The following ROBO2 variants were observed in gnomAD, a reference collection of about 807,000 sequenced individuals.
The protein encoded by ROBO2 is roundabout guidance receptor 2.
A neutral mutation model predicts 160.8 loss-of-function variants in ROBO2; 53 were observed. That is an observed-to-expected ratio of 0.33 (90% CI 0.26 to 0.41). The LOEUF (loss-of-function observed/expected upper bound fraction) is 0.41. Ranked by LOEUF, ROBO2 falls within the 10% of genes least tolerant of loss-of-function variation. The probability of loss-of-function intolerance (pLI) is 1.00; values close to 1 mark genes in which losing one functional copy is unlikely to be tolerated. For synonymous variants in ROBO2, 664 were observed against 611.7 expected (o/e 1.09, Z -1.26); for missense variants, 1,577 against 1,722.4 (o/e 0.92, Z 1.49).
intron 2 of ROBO2, among the ~76,000 whole-genome samples, chr3:76,476,038 A>G (rs1337046078): frequency 2.0e-5 from 3 of 152,160 alleles, no homozygotes; most frequent in African/African-American, 7.2e-5. Flanking sequence ...CTGTAATCCA[A>G]GCTACTTGGG....
intron 2 of ROBO2, among the ~76,000 whole-genome samples, chr3:76,581,061 T>A (rs538726339): frequency 4.9e-4 from 74 of 152,246 alleles, no homozygotes; most frequent in African/African-American, 1.5e-3. Context: ...ATAAGAAAAA[T>A]AACAAATGAG....
intron 2 of ROBO2, among the ~76,000 whole-genome samples, chr3:77,445,258 T>C (rs1305707860): frequency 1.3e-5 from 2 of 152,154 alleles, no homozygotes; most frequent in Admixed American, 6.6e-5. Context: ...TTTTTTAATT[T>C]AAGGAAAAAT....
chr3:76,713,856 T>C lies in ROBO2; in HGVS notation c.110-384158T>C, dbSNP rs577691864. 9.0e-4 allele frequency among the ~76,000 whole-genome samples: 137 copies of C among 152,180 alleles called. 1 individual carries two copies. The Middle Eastern group carries it at 0.014, about 15-fold the overall frequency. On this transcript the variant is annotated intron_variant, in intron 2 of 26. Transcript: ENST00000487694. ...CCATTCCATTGTAAGCCATTATTAC[T>C]GGGAGGTAACATACATGAAGGAAAA...
chr3:76,566,823 A>G (rs1673309938), intron 2 of ROBO2, among the ~76,000 whole-genome samples: 1 of 152,034 alleles, frequency 6.6e-6, no homozygotes, highest in African/African-American at 2.4e-5. Context: ...AAGAGAAAAA[A>G]TCTCTGCATA....
At chr3:76,941,086 A>C (rs565210580) in intron 2 of ROBO2, among the ~76,000 whole-genome samples, 22 of 152,236 alleles carry the variant, frequency 1.4e-4, no homozygotes, top group Non-Finnish European at 2.8e-4. Context: ...AAAGCTTAGG[A>C]GTTATCTTCA....
chr3:76,948,769 G>A (rs1280656211), intron 2 of ROBO2, among the ~76,000 whole-genome samples: 9 of 142,276 alleles, frequency 6.3e-5, no homozygotes, highest in Admixed American at 1.4e-4. Flanking sequence ...GCAGTGGCGC[G>A]ATCTTGGCTC....
intron 2 of ROBO2, among the ~76,000 whole-genome samples, chr3:76,831,663 T>C (rs1389462552): frequency 6.6e-6 from 1 of 152,216 alleles, no homozygotes; most frequent in Admixed American, 6.5e-5. Flanking sequence ...TTTCTATCTT[T>C]TAATGTCTTC....
At chr3:77,045,428 A>G (rs898392646) in intron 1 of ROBO2, among the ~76,000 whole-genome samples, 1 of 152,198 alleles carries the variant, frequency 6.6e-6, no homozygotes, top group African/African-American at 2.4e-5. Flanking sequence ...GGAGGGATAT[A>G]AGATCCATCA....
chr3:77,397,529 G>A (rs1258547826), intron 2 of ROBO2, among the ~76,000 whole-genome samples: 1 of 152,106 alleles, frequency 6.6e-6, no homozygotes, highest in African/African-American at 2.4e-5. Context: ...AAGTGTGAAT[G>A]CGATTAGTTA....
chr3:76,844,425 A>G (rs140696177), intron 2 of ROBO2, among the ~76,000 whole-genome samples: 2,250 of 152,098 alleles, frequency 0.015, 17 homozygotes, highest in Middle Eastern at 0.024. Flanking sequence ...ATCAGGAGAA[A>G]TGGTTTCTCA....
At chr3:77,177,971 ATATT>A (rs1430970002) in intron 2 of ROBO2, among the ~76,000 whole-genome samples, 1 of 152,006 alleles carries the variant, frequency 6.6e-6, no homozygotes, top group African/African-American at 2.4e-5. Flanking sequence ...ATTTTTCTGA[ATATT>A]TATGTGTCTA....
chr3:76,272,656 C>T (rs1707509105), intron 2 of ROBO2, among the ~76,000 whole-genome samples: 1 of 78,800 alleles, frequency 1.3e-5, no homozygotes, highest in African/African-American at 3.7e-5. Context: ...GAGCGAGACC[C>T]TGTCTAAAAT....
At chr3:76,252,362 G>A (rs909945896) in intron 2 of ROBO2, among the ~76,000 whole-genome samples, 5 of 152,002 alleles carry the variant, frequency 3.3e-5, no homozygotes, top group Non-Finnish European at 7.4e-5. Flanking sequence ...TGTATTTGAC[G>A]TACTCAAACG....
At chr3:76,762,297 A>ATAAAGATTTTTGATTTGT (rs1225551579) in intron 2 of ROBO2, among the ~76,000 whole-genome samples, 2 of 151,686 alleles carry the variant, frequency 1.3e-5, no homozygotes, top group Admixed American at 6.6e-5. Context: ...CGACTTAAAA[A>ATAAAGATTTTTGATTTGT]TAAAGATTTT....
intron 5 of ROBO2, among the ~76,000 whole-genome samples, chr3:77,508,581 G>A (rs934252332): frequency 2.6e-5 from 4 of 151,566 alleles, no homozygotes; most frequent in African/African-American, 4.8e-5. Context: ...GAACAATAAT[G>A]TCATTGTTAG....
At chr3:75,972,369 C>T (rs747784543) in intron 2 of ROBO2, among the ~76,000 whole-genome samples, 49 of 151,646 alleles carry the variant, frequency 3.2e-4, no homozygotes, top group Admixed American at 2.5e-3. Flanking sequence ...TTGACCAGGA[C>T]CTTGTTTCAA....
intron 2 of ROBO2, among the ~76,000 whole-genome samples, chr3:76,033,993 A>G (rs1010650100): frequency 2.6e-5 from 4 of 152,332 alleles, no homozygotes; most frequent in Admixed American, 1.3e-4. Context: ...GTGACATTTC[A>G]TTGATCAAAG....
intron 2 of ROBO2, among the ~76,000 whole-genome samples, chr3:76,659,978 C>T (rs1231665816): frequency 6.6e-6 from 1 of 152,098 alleles, no homozygotes; most frequent in African/African-American, 2.4e-5. Flanking sequence ...CATTTCCAGA[C>T]CTCCCTTGGT....
intron 2 of ROBO2, among the ~76,000 whole-genome samples, chr3:77,257,058 C>T (rs929153968): frequency 2.6e-5 from 4 of 152,112 alleles, no homozygotes; most frequent in Non-Finnish European, 4.4e-5. Flanking sequence ...ATTACCTAGA[C>T]GTGTGGCTTA....
Sources: allele counts gnomAD v4.1 joint callset (sites outside exome capture counted in the v4.1 genomes callset), GRCh38; gene constraint gnomAD v4.1.1; transcripts MANE v1.5; gene names NCBI Gene and HGNC (gene_info 2026-07-23, HGNC 2026-07-21).